The following AUTS2 variants were observed in gnomAD, a reference collection of about 807,000 sequenced individuals.
AUTS2 encodes the protein activator of transcription and developmental regulator AUTS2.
A neutral mutation model predicts 112.4 loss-of-function variants in AUTS2; 17 were observed. The ratio of observed to expected loss-of-function variants is 0.15; its 90% CI spans 0.10 to 0.23. The LOEUF (loss-of-function observed/expected upper bound fraction) is 0.23, where lower values mean the gene tolerates loss of function less well. AUTS2 is among the 10% of genes least tolerant of loss of function. AUTS2 has a pLI of 1.00. For synonymous variants in AUTS2, 751 were observed against 702.7 expected, an observed-to-expected ratio of 1.07 and a Z score of -1.09; for missense variants, 1,510 against 1,701.6, an observed-to-expected ratio of 0.89 and a Z score of 1.98.
intron 2 of AUTS2, among the ~76,000 whole-genome samples, chr7:69,993,473 A>G (rs977595766): frequency 2.0e-5 from 3 of 152,178 alleles, no homozygotes; most frequent in African/African-American, 7.2e-5. Context: ...TTACTAGGCT[A>G]GGCACAGTGG....
chr7:69,679,456 T>A (rs1796701076), intron 1 of AUTS2, among the ~76,000 whole-genome samples: 1 of 152,260 alleles, frequency 6.6e-6, no homozygotes, highest in Non-Finnish European at 1.5e-5. Context: ...TTGAGGCAGT[T>A]ATAACTAAGT....
intron 1 of AUTS2, among the ~76,000 whole-genome samples, chr7:69,723,375 C>T (rs566787820): frequency 6.6e-6 from 1 of 152,124 alleles, no homozygotes; most frequent in African/African-American, 2.4e-5. Context: ...ATCCATTTTG[C>T]AGGGTTTAAC....
chr7:70,709,362 G>A (rs887354548), intron 6 of AUTS2, among the ~76,000 whole-genome samples: 7 of 152,274 alleles, frequency 4.6e-5, no homozygotes, highest in African/African-American at 1.4e-4. Context: ...ATGAGAAACT[G>A]GGGGGTGGCC....
intron 2 of AUTS2, among the ~76,000 whole-genome samples, chr7:69,996,192 G>A (rs918870549): frequency 6.6e-6 from 1 of 152,192 alleles, no homozygotes; most frequent in African/African-American, 2.4e-5. Flanking sequence ...AGGCAGTGCA[G>A]TTCGGAACCC....
intron 5 of AUTS2, among the ~76,000 whole-genome samples, chr7:70,581,366 A>G (rs1330361376): frequency 1.3e-5 from 2 of 152,192 alleles, no homozygotes; most frequent in Non-Finnish European, 2.9e-5. Context: ...AGCCTGGGCA[A>G]GAAGAGCGAA....
chr7:70,515,603 G>C (rs1356479083), intron 5 of AUTS2, among the ~76,000 whole-genome samples: 2 of 152,084 alleles, frequency 1.3e-5, no homozygotes, highest in African/African-American at 4.8e-5. Flanking sequence ...GAGACCCAGG[G>C]GGACATTCTG....
At chr7:70,569,826 G>A (rs1039667104) in intron 5 of AUTS2, among the ~76,000 whole-genome samples, 2 of 152,062 alleles carry the variant, frequency 1.3e-5, no homozygotes, top group Admixed American at 6.6e-5. Context: ...AGGCAAAAAC[G>A]TAAACCCCTG....
chr7:70,557,127 T>A (rs749649543), intron 5 of AUTS2, among the ~76,000 whole-genome samples: 3 of 152,142 alleles, frequency 2.0e-5, no homozygotes, highest in Non-Finnish European at 2.9e-5. Context: ...GGGCAGTAAG[T>A]CTAATTGGAT....
chr7:70,549,739 G>A (rs369546347), intron 5 of AUTS2, among the ~76,000 whole-genome samples: 58 of 152,290 alleles, frequency 3.8e-4, no homozygotes, highest in East Asian at 3.3e-3. Context: ...AGGTTTCACA[G>A]TGCTCCTCTT....
chr7:69,724,521 A>G (rs745716112), intron 1 of AUTS2, among the ~76,000 whole-genome samples: 1 of 152,182 alleles, frequency 6.6e-6, no homozygotes, highest in Non-Finnish European at 1.5e-5. Flanking sequence ...GCACTTTTCC[A>G]GAGAAATGAA....
chr7:70,114,673 T>G (rs1805265400), intron 2 of AUTS2, among the ~76,000 whole-genome samples: 2 of 152,122 alleles, frequency 1.3e-5, no homozygotes, highest in African/African-American at 4.8e-5. Context: ...ATGCCTGTCA[T>G]GCCTGTAATC....
intron 6 of AUTS2, among the ~76,000 whole-genome samples, chr7:70,742,042 T>G (rs1447220032): frequency 6.6e-6 from 1 of 152,236 alleles, no homozygotes; most frequent in East Asian, 1.9e-4. Flanking sequence ...CACATTAGAA[T>G]AAACTCACAT....
chr7:69,722,299 G>A (rs1224406217), intron 1 of AUTS2, among the ~76,000 whole-genome samples: 1 of 152,052 alleles, frequency 6.6e-6, no homozygotes, highest in Non-Finnish European at 1.5e-5. Context: ...GGGATACAAA[G>A]GGAAGGAGAA....
At chr7:69,859,528 G>A (rs1476250813) in intron 1 of AUTS2, among the ~76,000 whole-genome samples, 2 of 152,172 alleles carry the variant, frequency 1.3e-5, no homozygotes, top group African/African-American at 4.8e-5. Context: ...TGTGGTTATT[G>A]ATTCTAGTCA....
chr7:70,720,233 G>A (rs1329979731), intron 6 of AUTS2, among the ~76,000 whole-genome samples: 1 of 151,864 alleles, frequency 6.6e-6, no homozygotes, highest in Admixed American at 6.6e-5. Context: ...AGGGTGACAG[G>A]AAGATTTACT....
At chr7:69,680,490 A>G (rs1472578288) in intron 1 of AUTS2, among the ~76,000 whole-genome samples, 1 of 152,144 alleles carries the variant, frequency 6.6e-6, no homozygotes, top group Non-Finnish European at 1.5e-5. Flanking sequence ...TAACCATTTT[A>G]AAGTGTAGAT....
At chr7:69,898,156 A>G (rs559125416) in intron 1 of AUTS2, among the ~76,000 whole-genome samples, 1 of 152,310 alleles carries the variant, frequency 6.6e-6, no homozygotes, top group Admixed American at 6.5e-5. Context: ...TTGTATCAAA[A>G]CATCTTATGT....
chr7:69,628,975 C>G (rs1794095975), intron 1 of AUTS2, among the ~76,000 whole-genome samples: 1 of 152,116 alleles, frequency 6.6e-6, no homozygotes, highest in Non-Finnish European at 1.5e-5. Flanking sequence ...TTGCGTAAAC[C>G]ATTTCATTTG....
At chr7:70,408,762 A>C (rs769771775) in intron 4 of AUTS2, among the ~76,000 whole-genome samples, 8 of 152,194 alleles carry the variant, frequency 5.3e-5, no homozygotes, top group Non-Finnish European at 8.8e-5. Context: ...TGTACTATTG[A>C]GATAGGAAGC....
Sources: allele counts gnomAD v4.1 joint callset (sites outside exome capture counted in the v4.1 genomes callset), GRCh38; gene constraint gnomAD v4.1.1; transcripts MANE v1.5; gene names NCBI Gene and HGNC (gene_info 2026-07-23, HGNC 2026-07-21).